OR5M1: variants seen among roughly 807,000 people sequenced by gnomAD.
OR5M1 encodes olfactory receptor 5M1.
For missense variants in OR5M1, 367 were observed against 379.5 expected, an observed-to-expected ratio of 0.97 and a Z score of 0.27; for synonymous variants, 165 against 144.2, an observed-to-expected ratio of 1.14 and a Z score of -1.04.
At chr11:56,614,406 G>T (rs1438231049) in intron 1 of OR5M1, among the ~76,000 whole-genome samples, 2 of 152,192 alleles carry the variant, frequency 1.3e-5, no homozygotes, top group Non-Finnish European at 2.9e-5. Flanking sequence ...TAGGAATGCA[G>T]CATTTAAACA....
rs1853675497 is a variant in OR5M1 at position 56,611,389 on chromosome 11, T to C, written c.*1166A>G. On this transcript the variant is annotated 3_prime_UTR_variant, in exon 2 of 2. Transcript: ENST00000641076. ...TTACAAAAACTGCAAGTCATCTGCT[T>C]AATATTCTGGAAAACCATTTGAACA... The C allele has an allele frequency of 6.6e-6, 1 of 152,160 alleles. No individual in the cohort carries two copies. The highest frequency in any genetic ancestry group is 1.5e-5 in the Non-Finnish European group (1 of 68,018). 9.4% of individuals were successfully genotyped at this position (152,160 alleles called of 1,614,324 possible). A position where few individuals can be genotyped will look rare whatever the true frequency, so the allele number is the denominator to read the frequency against.
In OR5M1 at chr11:56,612,849, A is replaced by G; in HGVS notation, c.654T>C (p.Tyr218=). 3 of 1,613,750 alleles carry G rather than the reference A, an allele frequency of 1.9e-6. No individual in the cohort carries two copies. Among genetic ancestry groups the G allele is most frequent in the Non-Finnish European group, 2.5e-6 (3 of 1,179,748 alleles). ...SSSLFIILLS[Y]LFIFAAIFRI... ...TGAAGATCGCTGCAAAAATGAAAAG[A>G]TAGGACAGAAGAATGATGAAGAGAG... is the stretch of plus-strand genomic sequence containing the variant. Residue 218 remains tyrosine (Y), a synonymous_variant, in exon 2 of 2, where the codon TAT becomes TAC. Transcript: ENST00000641076.
In OR5M1 at chr11:56,609,562, T is replaced by C. The variant is rs1242191305; in HGVS notation, c.*2993A>G. ...GTACAGGTTTAAGTTGCTAGAAGCT[T>C]TCTGGAGAAAAATTTACCCATAGAA... On this transcript the variant is annotated 3_prime_UTR_variant, in exon 2 of 2. Coordinates refer to ENST00000641076, the MANE Select transcript of OR5M1 (RefSeq NM_001004740.2). 4 of 151,962 alleles carry C rather than the reference T, an allele frequency of 2.6e-5. No homozygotes were observed. The highest frequency in any genetic ancestry group is 5.9e-5 in the Non-Finnish European group (4 of 67,838). The allele number at this position is 151,962 out of a possible 1,614,324, so 9.4% of individuals were successfully genotyped here.
chr11:56,610,927 T>A lies in OR5M1; in HGVS notation c.*1628A>T, dbSNP rs183119989. The A allele has an allele frequency of 6.6e-6, 1 of 152,296 alleles. No individual in the cohort carries two copies. The highest frequency in any genetic ancestry group is 2.4e-5 in the African/African-American group (1 of 41,578). 9.4% of individuals were successfully genotyped at this position (152,296 alleles called of 1,614,324 possible). On this transcript the variant is annotated 3_prime_UTR_variant, in exon 2 of 2. Coordinates refer to ENST00000641076, the MANE Select transcript of OR5M1 (RefSeq NM_001004740.2). ...TAGAAAATAAATGGAATCGTACAGT[T>A]ATTTAGGCCAAATATAGAGTATTTT...
intron 1 of OR5M1, among the ~76,000 whole-genome samples, chr11:56,613,985 C>T (rs999181896): frequency 6.6e-6 from 1 of 152,046 alleles, no homozygotes; most frequent in Non-Finnish European, 1.5e-5. Context: ...GTTTCAGATA[C>T]AAAATGAAGA....
rs1360539991 is a variant in OR5M1, at chr11:56,612,989, G to C, written c.514C>G (p.Leu172Val). Reference sequence around the variant, plus strand: ...GCGCAGTAGAAATGATTGATTTCAAGGGAGCCACAGAAGGATAAGTGAAAG... The same window carrying C: ...GCGCAGTAGAAATGATTGATTTCAACGGAGCCACAGAAGGATAAGTGAAAG... ...LTFHLSFCGS[L>V]EINHFYCADP... The change falls in exon 2 of 2, where the codon CTT becomes GTT. Residue 172 changes from leucine to valine, a missense_variant. Coordinates refer to ENST00000641076, the MANE Select transcript of OR5M1 (RefSeq NM_001004740.2). 3.7e-6 allele frequency: 6 copies of C among 1,613,828 alleles called. No individual in the cohort carries two copies. The highest frequency in any genetic ancestry group is 5.1e-6 in the Non-Finnish European group (6 of 1,179,818).
chr11:56,614,446 A>C (rs1195506314), intron 1 of OR5M1, among the ~76,000 whole-genome samples: 1 of 152,166 alleles, frequency 6.6e-6, no homozygotes, highest in Non-Finnish European at 1.5e-5. Flanking sequence ...ATTTGGGGAA[A>C]GTGTGGATTT....
Position 56,612,817 on chromosome 11 carries a change from C to T in OR5M1, c.686G>A (p.Arg229His), listed in dbSNP as rs770544804. The T allele has an allele frequency of 1.2e-5, 19 of 1,613,620 alleles. No homozygotes were observed. The East Asian group carries it at 1.6e-4, about 13-fold the overall frequency. ...LFIFAAIFRI[R>H]SAEGRHKAFS... Reference sequence around the variant, plus strand: ...GGCTTTGTGCCTGCCTTCAGCAGAACGGATCCTGAAGATCGCTGCAAAAAT... The same window carrying T: ...GGCTTTGTGCCTGCCTTCAGCAGAATGGATCCTGAAGATCGCTGCAAAAAT... Residue 229 changes from arginine to histidine, a missense_variant, in exon 2 of 2, where the codon CGT (arginine) becomes CAT (histidine). Physicochemically the swap from Arg to His is conservative, Grantham distance 29. Coordinates refer to ENST00000641076, the MANE Select transcript of OR5M1 (RefSeq NM_001004740.2).
chr11:56,613,646 A>G (rs755806901), intron 1 of OR5M1, 127 bp from the exon 2 acceptor site: 10 of 756,376 alleles, frequency 1.3e-5, no homozygotes, highest in South Asian at 3.7e-5. Flanking sequence ...CAATAATCAC[A>G]TCGGAAATTT....
Position 56,613,510 on chromosome 11 carries a change from T to C in OR5M1, c.-8A>G, listed in dbSNP as rs1490225837. 3.1e-6 allele frequency: 5 copies of C among 1,606,004 alleles called. No individual in the cohort carries two copies. The highest frequency in any genetic ancestry group is 1.7e-6 in the Non-Finnish European group (2 of 1,173,688). On this transcript the variant is annotated 5_prime_UTR_variant, in exon 2 of 2. Coordinates refer to ENST00000641076, the MANE Select transcript of OR5M1 (RefSeq NM_001004740.2). ...GTGGTTTGGGGAGAACATCTTCTTA[T>C]CTCTTGAAACTGAAAGTGACAAAGA...
chr11:56,612,900 T>C lies in OR5M1; in HGVS notation c.603A>G (p.Val201=), dbSNP rs749288585. ...DTRVKKMAMF[V]VAGFNLSSSL... ...AGCTTGAGAGATTAAAGCCTGCAAC[T>C]ACAAACATTGCCATCTTTTTGACAC... is the stretch of plus-strand genomic sequence containing the variant. The change falls in exon 2 of 2, where the codon GTA becomes GTG. Residue 201 remains valine (V), a synonymous_variant. Coordinates refer to ENST00000641076, the MANE Select transcript of OR5M1 (RefSeq NM_001004740.2). 1.9e-6 allele frequency: 3 copies of C among 1,613,760 alleles called. No homozygotes were observed. Among genetic ancestry groups the C allele is most frequent in the South Asian group, 1.1e-5 (1 of 91,078 alleles).
chr11:56,611,079 T>C lies in OR5M1; in HGVS notation c.*1476A>G, dbSNP rs1466250869. The C allele has an allele frequency of 1.3e-5, 2 of 151,950 alleles. No individual in the cohort carries two copies. The highest frequency in any genetic ancestry group is 4.8e-5 in the African/African-American group (2 of 41,408). The allele number at this position is 151,950 out of a possible 1,614,324, so 9.4% of individuals were successfully genotyped here. A position where few individuals can be genotyped will look rare whatever the true frequency, so the allele number is the denominator to read the frequency against. ...GGAAATTTCTCATAAAATAAAGAAA[T>C]ACCCCACCGATGAAATGATGCTGGC... On this transcript the variant is annotated 3_prime_UTR_variant, in exon 2 of 2. Transcript: ENST00000641076.
Position 56,612,902 on chromosome 11 carries a change from C to T in OR5M1, c.601G>A (p.Val201Ile), listed in dbSNP as rs1251267141. 6.2e-7 allele frequency: 1 copy of T among 1,613,634 alleles called. No homozygotes were observed. Among genetic ancestry groups the T allele is most frequent in the African/African-American group, 1.3e-5 (1 of 74,914 alleles). ...CTTGAGAGATTAAAGCCTGCAACTA[C>T]AAACATTGCCATCTTTTTGACACGG... The part of the protein sequence containing the change: ...DTRVKKMAMF[V>I]VAGFNLSSSL... The change falls in exon 2 of 2, where the codon GTA (valine) becomes ATA (isoleucine). Residue 201 changes from valine to isoleucine, a missense_variant. Transcript: ENST00000641076.
Position 56,610,233 on chromosome 11 carries a change from G to A in OR5M1, c.*2322C>T, listed in dbSNP as rs1201815737. On this transcript the variant is annotated 3_prime_UTR_variant, in exon 2 of 2. Coordinates refer to ENST00000641076, the MANE Select transcript of OR5M1 (RefSeq NM_001004740.2). The stretch of plus-strand genomic sequence containing the variant: ...AAAATGCAGCCTAAATAGCATATAT[G>A]TCTTCTGTATATCAAAATTTTCTCC... 1 of 151,976 alleles carries A rather than the reference G, an allele frequency of 6.6e-6. No homozygotes were observed. Among genetic ancestry groups the A allele is most frequent in the East Asian group, 1.9e-4 (1 of 5,188 alleles). 9.4% of individuals were successfully genotyped at this position (151,976 alleles called of 1,614,324 possible). A position where few individuals can be genotyped will look rare whatever the true frequency, so the allele number is the denominator to read the frequency against.
chr11:56,613,984 AC>A (rs1453732138), intron 1 of OR5M1, among the ~76,000 whole-genome samples: 1 of 152,248 alleles, frequency 6.6e-6, no homozygotes, highest in Admixed American at 6.5e-5. Flanking sequence ...TGTTTCAGAT[AC>A]AAAATGAAGA....
chr11:56,614,534 G>T (rs1590539608), intron 1 of OR5M1, among the ~76,000 whole-genome samples: 2 of 152,082 alleles, frequency 1.3e-5, no homozygotes, highest in East Asian at 3.9e-4. Context: ...TTTAAAAGGG[G>T]TCTTAGCTTC....
Position 56,613,477 on chromosome 11 carries a change from A to G in OR5M1, c.26T>C (p.Val9Ala). The G allele has an allele frequency of 6.2e-7, 1 of 1,613,600 alleles. No individual in the cohort carries two copies. Among genetic ancestry groups the G allele is most frequent in the African/African-American group, 1.3e-5 (1 of 75,034 alleles). The stretch of plus-strand genomic sequence containing the variant: ...CAGTCCCAAGAGAATGAATTCTGTC[A>G]CTATGGTGTGGTTTGGGGAGAACAT... Reference protein sequence around the residue: MFSPNHTIVTEFILLGLTD... With the variant: MFSPNHTIATEFILLGLTD... The change falls in exon 2 of 2, where the codon GTG becomes GCG. Residue 9 changes from valine to alanine, a missense_variant. Coordinates refer to ENST00000641076, the MANE Select transcript of OR5M1 (RefSeq NM_001004740.2).
At position 56,611,070 on chromosome 11, in the gene OR5M1, A is replaced by G. The variant is rs1286605046; in HGVS notation, c.*1485T>C. The G allele has an allele frequency of 6.6e-6, 1 of 152,122 alleles. No individual in the cohort carries two copies. The highest frequency in any genetic ancestry group is 1.5e-5 in the Non-Finnish European group (1 of 68,006). The allele number at this position is 152,122 out of a possible 1,614,324, so 9.4% of individuals were successfully genotyped here. On this transcript the variant is annotated 3_prime_UTR_variant, in exon 2 of 2. Transcript: ENST00000641076. ...CTAATAGATGGAAATTTCTCATAAAATAAAGAAATACCCCACCGATGAAAT... is the reference window on the plus strand; with the variant it reads ...CTAATAGATGGAAATTTCTCATAAAGTAAAGAAATACCCCACCGATGAAAT...
At chr11:56,613,943 C>T (rs1853713720) in intron 1 of OR5M1, among the ~76,000 whole-genome samples, 1 of 152,124 alleles carries the variant, frequency 6.6e-6, no homozygotes, top group South Asian at 2.1e-4. Flanking sequence ...GAAGTCTGAT[C>T]TTTATTATAC....
Sources: gnomAD v4.1 joint callset for allele counts (sites outside exome capture counted in the v4.1 genomes callset) on GRCh38, gnomAD v4.1.1 for gene constraint, MANE v1.5 for transcripts, NCBI Gene and HGNC (gene_info 2026-07-23, HGNC 2026-07-21) for gene names.